The following LRP6 variants were observed in gnomAD, a reference collection of about 807,000 sequenced individuals.
The protein encoded by LRP6 is low-density lipoprotein receptor-related protein 6.
LRP6 carries 43 observed loss-of-function variants against 184.1 expected under a neutral mutation model. The ratio of observed to expected loss-of-function variants is 0.23; its 90% CI spans 0.18 to 0.30. LRP6 has a LOEUF of 0.30. LRP6 is among the 10% of genes least tolerant of loss of function. The pLI is 1.00. For synonymous variants in LRP6, 719 were observed against 684.9 expected (o/e 1.05, Z -0.78); for missense variants, 1,571 against 2,005.3 (o/e 0.78, Z 4.14).
At chr12:12,230,903 C>A (rs1246329654) in intron 2 of LRP6, among the ~76,000 whole-genome samples, 3 of 152,030 alleles carry the variant, frequency 2.0e-5, no homozygotes, top group African/African-American at 7.2e-5. Flanking sequence ...CAGTACATGG[C>A]CAGGCGCAGT....
intron 1 of LRP6, among the ~76,000 whole-genome samples, chr12:12,262,520 T>C (rs1230786763): frequency 6.7e-6 from 1 of 149,434 alleles, no homozygotes; most frequent in Admixed American, 6.7e-5. Flanking sequence ...ATCGCGGCAC[T>C]GCACTTCAGC....
chr12:12,179,017 C>T (rs145999031), intron 7 of LRP6, among the ~76,000 whole-genome samples: 1 of 152,200 alleles, frequency 6.6e-6, no homozygotes, highest in East Asian at 1.9e-4. Context: ...TGAAGTTTCC[C>T]CCAAAGGAAA....
intron 7 of LRP6, among the ~76,000 whole-genome samples, chr12:12,178,604 A>G (rs7957531): frequency 0.14 from 21,660 of 152,174 alleles, 2,145 homozygotes; most frequent in African/African-American, 0.28. Context: ...AAATGAAGCT[A>G]AAAGCCTGTC....
chr12:12,251,211 C>A (rs575106259), intron 1 of LRP6, among the ~76,000 whole-genome samples: 77 of 152,238 alleles, frequency 5.1e-4, no homozygotes, highest in Non-Finnish European at 8.1e-4. Flanking sequence ...GGATTACAGG[C>A]GTGAGCCACC....
chr12:12,231,998 C>CAA (rs374411032), intron 2 of LRP6, among the ~76,000 whole-genome samples: 4 of 129,690 alleles, frequency 3.1e-5, no homozygotes, highest in African/African-American at 1.1e-4. Flanking sequence ...GACCCTGCCT[C>CAA]AAAAAAAAAA....
intron 3 of LRP6, among the ~76,000 whole-genome samples, chr12:12,196,258 C>T (rs1863757867): frequency 6.6e-6 from 1 of 151,066 alleles, no homozygotes; most frequent in South Asian, 2.1e-4. Context: ...AATAGGGACT[C>T]CACTGAATCT....
At chr12:12,215,790 T>G (rs1439260207) in intron 2 of LRP6, among the ~76,000 whole-genome samples, 2 of 151,630 alleles carry the variant, frequency 1.3e-5, no homozygotes, top group Admixed American at 1.3e-4. Context: ...GGTGGGAGGA[T>G]CACCTGAGGT....
chr12:12,128,233 A>C (rs1269880350), intron 19 of LRP6, among the ~76,000 whole-genome samples: 1 of 152,198 alleles, frequency 6.6e-6, no homozygotes, highest in African/African-American at 2.4e-5. Context: ...TTCTCTTTAA[A>C]AAAAAGTCTG....
intron 7 of LRP6, among the ~76,000 whole-genome samples, chr12:12,166,791 G>A (rs1862888737): frequency 6.6e-6 from 1 of 152,200 alleles, no homozygotes; most frequent in South Asian, 2.1e-4. Context: ...AAAGATGGAT[G>A]ATTAAGTATG....
chr12:12,155,807 TA>T (rs36120700), intron 12 of LRP6: 179,372 of 587,652 alleles, frequency 0.31, 2,965 homozygotes, highest in African/African-American at 0.35. Context: ...TCTGGACTGT[TA>T]AAAAAAAAAA....
Position 12,125,287 on chromosome 12 carries a change from A to T in LRP6, c.4449+9T>A. On this transcript the variant is annotated intron_variant, in intron 21 of 22. Coordinates refer to ENST00000261349, the MANE Select transcript of LRP6 (RefSeq NM_002336.3). ...GTATGTCGCATTCAAAGGAAAACAG[A>T]CTACTTACTGCAGGGAAGTAAGTGC... 1 of 1,614,032 alleles carries T rather than the reference A, an allele frequency of 6.2e-7. No homozygotes were observed. The highest frequency in any genetic ancestry group is 8.5e-7 in the Non-Finnish European group (1 of 1,179,930).
intron 2 of LRP6, among the ~76,000 whole-genome samples, chr12:12,222,855 A>G (rs192365410): frequency 1.5e-3 from 226 of 152,244 alleles, no homozygotes; most frequent in Middle Eastern, 3.4e-3. Flanking sequence ...ATGTATAGTA[A>G]TAAAAGTTAC....
intron 3 of LRP6, chr12:12,187,382 G>C (rs896960712): frequency 6.3e-6 from 3 of 477,042 alleles, no homozygotes; most frequent in Non-Finnish European, 7.6e-6. Flanking sequence ...CAAGATACCC[G>C]GCAGAGAGAG....
At chr12:12,200,999 T>C (rs1334625419) in intron 3 of LRP6, among the ~76,000 whole-genome samples, 1 of 152,190 alleles carries the variant, frequency 6.6e-6, no homozygotes, top group Non-Finnish European at 1.5e-5. Context: ...CTTTTCTGTT[T>C]CTCTTGTCTA....
At chr12:12,167,383 C>T (rs531757966) in intron 7 of LRP6, among the ~76,000 whole-genome samples, 7 of 152,254 alleles carry the variant, frequency 4.6e-5, no homozygotes, top group South Asian at 4.1e-4. Flanking sequence ...GTGGCTCACG[C>T]CTGTAATCCC....
At chr12:12,164,170 C>A (rs1369350315) in intron 9 of LRP6, 103 bp downstream of exon 9, 13 of 1,035,698 alleles carry the variant, frequency 1.3e-5, no homozygotes, top group Non-Finnish European at 1.9e-5. Context: ...TTGAACTCTG[C>A]CTGTCAAACA....
chr12:12,222,889 T>C (rs1262369723), intron 2 of LRP6, among the ~76,000 whole-genome samples: 1 of 152,008 alleles, frequency 6.6e-6, no homozygotes, highest in Non-Finnish European at 1.5e-5. Context: ...AAAATAACAC[T>C]AACGAATATT....
chr12:12,256,026 G>A (rs1017015144), intron 1 of LRP6, among the ~76,000 whole-genome samples: 1 of 152,084 alleles, frequency 6.6e-6, no homozygotes, highest in Non-Finnish European at 1.5e-5. Context: ...CATACAGAAA[G>A]TCCTGCACGT....
At chr12:12,166,928 T>C (rs1862892220) in intron 7 of LRP6, among the ~76,000 whole-genome samples, 2 of 152,096 alleles carry the variant, frequency 1.3e-5, no homozygotes, top group Admixed American at 6.5e-5. Context: ...CAAGGCCCTG[T>C]CTCTACAAAA....
Sources: gnomAD v4.1 joint callset for allele counts (sites outside exome capture counted in the v4.1 genomes callset) on GRCh38, gnomAD v4.1.1 for gene constraint, MANE v1.5 for transcripts, NCBI Gene and HGNC (gene_info 2026-07-23, HGNC 2026-07-21) for gene names.